Variants in PCDHGB4 observed in about 807,000 individuals in gnomAD.
PCDHGB4 encodes protocadherin gamma-B4.
PCDHGB4 carries 38 observed loss-of-function variants against 60.5 expected under a neutral mutation model. That is an observed-to-expected ratio of 0.63 (90% CI 0.48 to 0.82). The LOEUF is 0.82. PCDHGB4 is among the 40% of genes least tolerant of loss of function. The pLI, the probability that PCDHGB4 is intolerant of heterozygous loss-of-function variation, is 0.00. For synonymous variants in PCDHGB4, 456 were observed against 509.7 expected (o/e 0.89, Z 1.42); for missense variants, 1,109 against 1,209.6 (o/e 0.92, Z 1.23).
intron 1 of PCDHGB4, chr5:141,421,585 G>A: frequency 1.2e-6 from 2 of 1,613,916 alleles, no homozygotes; most frequent in Non-Finnish European, 1.7e-6. Context: ...GATTTACGGA[G>A]TGGAGGTGGA....
intron 1 of PCDHGB4, chr5:141,412,531 T>G (rs534627173): frequency 1.7e-4 from 26 of 152,304 alleles, no homozygotes; most frequent in African/African-American, 5.8e-4. Flanking sequence ...GTTACAATTA[T>G]AAAGCTTCAG....
intron 3 of PCDHGB4, among the ~76,000 whole-genome samples, chr5:141,509,815 TCTC>T (rs1596250992): frequency 6.6e-6 from 1 of 152,226 alleles, no homozygotes; most frequent in East Asian, 1.9e-4. Flanking sequence ...GCCGAGCTCT[TCTC>T]CATCTTCTCT....
intron 1 of PCDHGB4, among the ~76,000 whole-genome samples, chr5:141,444,357 G>C (rs1258703336): frequency 3.3e-5 from 5 of 151,798 alleles, no homozygotes; most frequent in African/African-American, 9.7e-5. Flanking sequence ...TTTTAGTAGA[G>C]ACGGGGTTTC....
chr5:141,464,725 A>G (rs538200804), intron 1 of PCDHGB4, among the ~76,000 whole-genome samples: 27 of 152,178 alleles, frequency 1.8e-4, no homozygotes, highest in African/African-American at 5.1e-4. Flanking sequence ...TCATATGTTT[A>G]AAAGCCAGTT....
Position 141,388,463 on chromosome 5 carries a change from G to A in PCDHGB4, c.579G>A (p.Glu193=), listed in dbSNP as rs367941349. Reference sequence around the variant, plus strand: ...AATCAGATGGCAGTAAATACCCTGAGATGGTATTGAAGACACCTTTGGACA... The same window carrying A: ...AATCAGATGGCAGTAAATACCCTGAAATGGTATTGAAGACACCTTTGGACA... The part of the protein sequence containing the change: ...KEKSDGSKYP[E]MVLKTPLDRE... The change falls in exon 1 of 4, where the codon GAG becomes GAA. Residue 193 remains glutamate (E), a synonymous_variant. Coordinates refer to ENST00000519479, the MANE Select transcript of PCDHGB4 (RefSeq NM_003736.4). 143 of 1,613,666 alleles carry A rather than the reference G, an allele frequency of 8.9e-5. 2 individuals are homozygous for A. The highest frequency in any genetic ancestry group is 1.3e-5 in the Non-Finnish European group (15 of 1,179,854).
chr5:141,393,613 G>A, intron 1 of PCDHGB4: 1 of 1,613,926 alleles, frequency 6.2e-7, no homozygotes, highest in Non-Finnish European at 8.5e-7. Flanking sequence ...GTAACAGCCA[G>A]CGACCCGGAT....
Position 141,399,994 on chromosome 5 carries a change from C to T in PCDHGB4, c.2397+9713C>T, listed in dbSNP as rs538358679. 27 of 1,612,262 alleles carry T rather than the reference C, an allele frequency of 1.7e-5. No individual in the cohort carries two copies. The East Asian group carries it at 1.8e-4, about 11-fold the overall frequency. On this transcript the variant is annotated intron_variant, in intron 1 of 3. Coordinates refer to ENST00000519479, the MANE Select transcript of PCDHGB4 (RefSeq NM_003736.4). ...CCTGGGGCTGCGCACAGGAGAGGTG[C>T]GCACAGCGCGTGCCTTGGGCGACAG...
chr5:141,482,530 CA>C (rs3074545), intron 1 of PCDHGB4, among the ~76,000 whole-genome samples: 1,133 of 76,538 alleles, frequency 0.015, 6 homozygotes, highest in Admixed American at 0.025. Flanking sequence ...GACAGACATG[CA>C]AAAAAAAAAA....
intron 1 of PCDHGB4, chr5:141,392,857 T>C: frequency 5.0e-6 from 8 of 1,612,536 alleles, no homozygotes; most frequent in Non-Finnish European, 6.8e-6. Flanking sequence ...GAGCTGATCC[T>C]GCTGTGCGCG....
At chr5:141,501,127 T>C (rs2099805755) in intron 2 of PCDHGB4, among the ~76,000 whole-genome samples, 5 of 152,024 alleles carry the variant, frequency 3.3e-5, no homozygotes, top group Non-Finnish European at 7.4e-5. Context: ...TCAGCCTCCC[T>C]AAGTGCTGGG....
At chr5:141,480,497 A>G (rs909585240) in intron 1 of PCDHGB4, among the ~76,000 whole-genome samples, 6 of 152,236 alleles carry the variant, frequency 3.9e-5, no homozygotes, top group Non-Finnish European at 8.8e-5. Flanking sequence ...CCTTAGAAAT[A>G]CACATATGAG....
intron 1 of PCDHGB4, among the ~76,000 whole-genome samples, chr5:141,444,942 A>C (rs1272061494): frequency 6.6e-6 from 1 of 152,082 alleles, no homozygotes; most frequent in Non-Finnish European, 1.5e-5. Flanking sequence ...AGGAGGGAGG[A>C]GGATCATCTT....
chr5:141,394,083 G>T, intron 1 of PCDHGB4: 1 of 1,613,826 alleles, frequency 6.2e-7, no homozygotes, highest in Non-Finnish European at 8.5e-7. Flanking sequence ...CACAGTGATG[G>T]CCTCAGATCT....
intron 1 of PCDHGB4, among the ~76,000 whole-genome samples, chr5:141,452,909 T>C (rs1408054133): frequency 6.6e-6 from 1 of 152,232 alleles, no homozygotes; most frequent in Non-Finnish European, 1.5e-5. Flanking sequence ...GTTGGCATTA[T>C]ACAGTAAGAA....
intron 1 of PCDHGB4, chr5:141,428,388 C>G (rs1299321513): frequency 4.0e-6 from 2 of 506,160 alleles, no homozygotes; most frequent in Non-Finnish European, 7.3e-6. Context: ...GCTCTTCCAG[C>G]CCCTCTGCCT....
intron 1 of PCDHGB4, chr5:141,426,496 G>A: frequency 3.0e-6 from 1 of 337,022 alleles, no homozygotes; most frequent in South Asian, 2.4e-5. Flanking sequence ...AGTTAGTGCA[G>A]AGAAACAATA....
At chr5:141,422,762 C>T in intron 1 of PCDHGB4, 1 of 1,613,392 alleles carries the variant, frequency 6.2e-7, no homozygotes. Flanking sequence ...AACTCCAACA[C>T]TGGTGTTCTC....
chr5:141,419,773 C>CAG, intron 1 of PCDHGB4: 1 of 1,614,034 alleles, frequency 6.2e-7, no homozygotes, highest in Non-Finnish European at 8.5e-7. Flanking sequence ...AGGACTCGGT[C>CAG]CGCCAGCGCC....
Position 141,485,064 on chromosome 5 carries a change from G to C in PCDHGB4, c.2398-9743G>C, listed in dbSNP as rs1205637757. On this transcript the variant is annotated intron_variant, in intron 1 of 3. Transcript: ENST00000519479. The surrounding 1 kb of genome is among the most constrained non-coding windows in gnomAD (Gnocchi z 5.7). ...TTGCGGCGCCGGCCGAACCGCGCCA[G>C]AGCTGGCGCGGGGAAAGGGAGATAG... The C allele has an allele frequency of 4.9e-5, 43 of 882,320 alleles. No individual in the cohort carries two copies. The highest frequency in any genetic ancestry group is 7.4e-5 in the Non-Finnish European group (41 of 557,230). 54.7% of individuals were successfully genotyped at this position (882,320 alleles called of 1,614,324 possible).
Sources: allele counts gnomAD v4.1 joint callset (sites outside exome capture counted in the v4.1 genomes callset), GRCh38; gene constraint gnomAD v4.1.1; non-coding constraint Gnocchi (gnomAD v3.1); transcripts MANE v1.5; gene names NCBI Gene and HGNC (gene_info 2026-07-23, HGNC 2026-07-21).